Variants in CLEC16A observed in about 807,000 individuals in gnomAD.
CLEC16A encodes the protein protein CLEC16A.
CLEC16A carries 51 observed loss-of-function variants against 109.5 expected under a neutral mutation model. The ratio of observed to expected loss-of-function variants is 0.47; its 90% confidence interval spans 0.37 to 0.59. The LOEUF is 0.59. CLEC16A is among the 20% of genes least tolerant of loss of function. CLEC16A has a pLI of 0.00. For synonymous variants in CLEC16A, 673 were observed against 564.2 expected (o/e 1.19, Z -2.73); for missense variants, 1,339 against 1,394.0 (o/e 0.96, Z 0.63).
chr16:11,169,905 T>C (rs1567416194), intron 23 of CLEC16A, among the ~76,000 whole-genome samples: 1 of 152,164 alleles, frequency 6.6e-6, no homozygotes, highest in Non-Finnish European at 1.5e-5. Flanking sequence ...ACCATGCTTA[T>C]AGGCACTTCA....
chr16:11,064,670 G>A (rs2048668602), intron 19 of CLEC16A, among the ~76,000 whole-genome samples: 1 of 152,192 alleles, frequency 6.6e-6, no homozygotes, highest in Non-Finnish European at 1.5e-5. Flanking sequence ...CCAGATACTT[G>A]AGGGGCTGAG....
chr16:11,080,897 C>T (rs1225063870), intron 19 of CLEC16A, among the ~76,000 whole-genome samples: 1 of 152,250 alleles, frequency 6.6e-6, no homozygotes, highest in African/African-American at 2.4e-5. Flanking sequence ...GATTCAGTCA[C>T]ACCCATGAAA....
intron 13 of CLEC16A, among the ~76,000 whole-genome samples, chr16:11,025,605 C>T (rs886211940): frequency 6.6e-6 from 1 of 152,168 alleles, no homozygotes. Flanking sequence ...TCCTTCTAAC[C>T]CCTGCCAAGA....
At chr16:10,948,007 C>T (rs2041493187) in intron 1 of CLEC16A, among the ~76,000 whole-genome samples, 1 of 152,216 alleles carries the variant, frequency 6.6e-6, no homozygotes. Flanking sequence ...CATTCTCCTG[C>T]CTCAGCCTCC....
chr16:11,178,740 C>G lies in CLEC16A; in HGVS notation c.*50C>G, dbSNP rs1348283665. The stretch of plus-strand genomic sequence containing the variant: ...GTGTGTGGCCCCGCTGGTAGGGACC[C>G]CAGTGCCGCTGACTGGCAAGACACA... On this transcript the variant is annotated 3_prime_UTR_variant, in exon 24 of 24. Transcript: ENST00000409790. The surrounding 1 kb of genome is among the most constrained non-coding windows in gnomAD (Gnocchi z 6.5). 15 of 1,357,944 alleles carry G rather than the reference C, an allele frequency of 1.1e-5. No homozygotes were observed. Among genetic ancestry groups the G allele is most frequent in the Non-Finnish European group, 1.5e-5 (15 of 1,027,720 alleles). The allele number at this position is 1,357,944 out of a possible 1,614,324, so 84.1% of individuals were successfully genotyped here.
intron 10 of CLEC16A, among the ~76,000 whole-genome samples, chr16:10,985,377 CAACAGTCAG>C (rs1386463397): frequency 1.3e-5 from 2 of 151,628 alleles, no homozygotes; most frequent in Admixed American, 6.6e-5. Flanking sequence ...GAATCTTCTC[CAACAGTCAG>C]AAGATCTGGT....
intron 22 of CLEC16A, among the ~76,000 whole-genome samples, chr16:11,152,538 T>C (rs920481561): frequency 6.6e-6 from 1 of 152,258 alleles, no homozygotes; most frequent in African/African-American, 2.4e-5. Context: ...GGGTTGCACC[T>C]GTCAGAGCAG....
At chr16:11,065,715 G>C (rs541772696) in intron 19 of CLEC16A, among the ~76,000 whole-genome samples, 1 of 152,252 alleles carries the variant, frequency 6.6e-6, no homozygotes, top group East Asian at 1.9e-4. Context: ...AGGCCTCTCT[G>C]AAGAGGTGCT....
At chr16:10,956,867 G>T (rs1332093730) in intron 1 of CLEC16A, among the ~76,000 whole-genome samples, 2 of 151,996 alleles carry the variant, frequency 1.3e-5, no homozygotes, top group East Asian at 3.9e-4. Flanking sequence ...TGTGATCTCG[G>T]CTCACTGCAA....
At chr16:11,106,127 A>T (rs77139737) in intron 19 of CLEC16A, among the ~76,000 whole-genome samples, 600 of 152,370 alleles carry the variant, frequency 3.9e-3, no homozygotes, top group Non-Finnish European at 5.5e-3. Flanking sequence ...CCTTGTGTCA[A>T]ATCTGTTGTA....
intron 14 of CLEC16A, chr16:11,041,580 T>G (rs2047338014): frequency 6.6e-6 from 1 of 152,292 alleles, no homozygotes; most frequent in Non-Finnish European, 1.5e-5. Context: ...TTGAACAGTC[T>G]AGTTGGAAGA....
At chr16:11,063,534 C>T (rs561156389) in intron 19 of CLEC16A, among the ~76,000 whole-genome samples, 2 of 152,182 alleles carry the variant, frequency 1.3e-5, no homozygotes, top group African/African-American at 2.4e-5. Context: ...TACCTGACTC[C>T]ATGTGGTCTG....
rs201072027 is a variant in CLEC16A, at chr16:11,020,287, C to T, written c.1398C>T (p.Ser466=). Residue 466 remains serine (S), a synonymous_variant, in exon 12 of 24, where the codon AGC becomes AGT. Transcript: ENST00000409790. ...AGAACACCACGGACGAGGAGAAAAG[C>T]GCCGCCGCCACCTGCTCTGAGAGCA... ...QEQNTTDEEK[S]AAATCSESTQ... is the part of the protein sequence containing the mutation. 6.4e-5 allele frequency: 103 copies of T among 1,613,186 alleles called. No individual in the cohort carries two copies. Among genetic ancestry groups the T allele is most frequent in the Non-Finnish European group, 8.6e-5 (101 of 1,179,506 alleles).
intron 16 of CLEC16A, among the ~76,000 whole-genome samples, chr16:11,045,099 C>G (rs889741138): frequency 9.2e-5 from 14 of 152,088 alleles, no homozygotes; most frequent in African/African-American, 3.4e-4. Context: ...AATCCCAGCA[C>G]TTTGGGAGGC....
chr16:11,082,573 G>T (rs780942150), intron 19 of CLEC16A, among the ~76,000 whole-genome samples: 4 of 152,168 alleles, frequency 2.6e-5, no homozygotes, highest in African/African-American at 4.8e-5. Context: ...GGTGTGTAAA[G>T]GCAGCCGGAG....
chr16:11,060,711 C>A (rs2048434695), intron 18 of CLEC16A, among the ~76,000 whole-genome samples, 191 bp from the exon 19 acceptor site: 1 of 143,448 alleles, frequency 7.0e-6, no homozygotes, highest in Non-Finnish European at 1.5e-5. Context: ...ACAGGCTACT[C>A]CCCCTTTGAT....
chr16:11,156,202 A>T (rs1378729453), intron 22 of CLEC16A, among the ~76,000 whole-genome samples: 1 of 151,916 alleles, frequency 6.6e-6, no homozygotes, highest in Non-Finnish European at 1.5e-5. Flanking sequence ...CTCTACTAAA[A>T]ATACAAAAAC....
intron 1 of CLEC16A, among the ~76,000 whole-genome samples, chr16:10,955,620 C>A (rs1357858991): frequency 6.6e-6 from 1 of 152,130 alleles, no homozygotes; most frequent in African/African-American, 2.4e-5. Context: ...TCATGTGGTC[C>A]TAAAGAATTT....
intron 19 of CLEC16A, among the ~76,000 whole-genome samples, chr16:11,075,308 G>A (rs943208799): frequency 1.3e-5 from 2 of 151,828 alleles, no homozygotes; most frequent in Non-Finnish European, 2.9e-5. Context: ...TGCACCAGAG[G>A]GCTTCCAGGG....
Sources: allele counts gnomAD v4.1 joint callset (sites outside exome capture counted in the v4.1 genomes callset), GRCh38; gene constraint gnomAD v4.1.1; non-coding constraint Gnocchi (gnomAD v3.1); transcripts MANE v1.5; gene names NCBI Gene and HGNC (gene_info 2026-07-23, HGNC 2026-07-21).